Variants in LRMDA observed in about 807,000 individuals in gnomAD.
LRMDA encodes leucine-rich melanocyte differentiation-associated protein.
Under a neutral mutation model 29.8 loss-of-function variants are expected in LRMDA, and 18 were observed. The ratio of observed to expected loss-of-function variants is 0.60; its 90% CI spans 0.42 to 0.90. The LOEUF (loss-of-function observed/expected upper bound fraction) is 0.90, where lower values mean the gene tolerates loss of function less well. Ranked by LOEUF, LRMDA falls within the 40% of genes least tolerant of loss-of-function variation. LRMDA has a pLI of 0.00. For synonymous variants in LRMDA, 125 were observed against 109.4 expected (o/e 1.14, Z -0.89); for missense variants, 273 against 273.9 (o/e 1.00, Z 0.02).
intron 2 of LRMDA, among the ~76,000 whole-genome samples, chr10:75,912,679 A>G (rs1370215398): frequency 6.6e-6 from 1 of 152,162 alleles, no homozygotes; most frequent in East Asian, 1.9e-4. Context: ...CTACTTATTG[A>G]TGGTTTGAAT....
chr10:76,244,920 G>A (rs1299987561), intron 5 of LRMDA, among the ~76,000 whole-genome samples: 1 of 152,180 alleles, frequency 6.6e-6, no homozygotes, highest in Non-Finnish European at 1.5e-5. Flanking sequence ...AGCAGAGCTA[G>A]GGTCTGGCTT....
intron 5 of LRMDA, among the ~76,000 whole-genome samples, chr10:76,147,803 C>T (rs966318797): frequency 1.3e-5 from 2 of 152,020 alleles, no homozygotes; most frequent in Admixed American, 6.6e-5. Flanking sequence ...GTTTTTTTCC[C>T]ATCTTTGTGG....
chr10:75,811,776 A>T (rs565966578), intron 2 of LRMDA, among the ~76,000 whole-genome samples: 8 of 152,328 alleles, frequency 5.3e-5, no homozygotes, highest in African/African-American at 1.9e-4. Flanking sequence ...GGCCTGGAAC[A>T]CACGGCAAAT....
intron 2 of LRMDA, among the ~76,000 whole-genome samples, chr10:75,884,245 TTGTG>T (rs57507869): frequency 0.12 from 12,936 of 109,298 alleles, 662 homozygotes; most frequent in Middle Eastern, 0.3. Context: ...GCAGGCGACT[TTGTG>T]TGTGTGTGTG....
chr10:76,359,514 A>G (rs1329471478), intron 6 of LRMDA, among the ~76,000 whole-genome samples: 1 of 152,106 alleles, frequency 6.6e-6, no homozygotes, highest in Non-Finnish European at 1.5e-5. Flanking sequence ...CTCTCTCATA[A>G]CACCAGCGTG....
chr10:76,104,436 G>T (rs1849446525), intron 5 of LRMDA, among the ~76,000 whole-genome samples: 4 of 152,100 alleles, frequency 2.6e-5, no homozygotes, highest in Non-Finnish European at 5.9e-5. Flanking sequence ...ATTGCCACCT[G>T]CAACTTTGTG....
chr10:76,062,926 G>T (rs1848726309), intron 5 of LRMDA, among the ~76,000 whole-genome samples: 2 of 152,124 alleles, frequency 1.3e-5, no homozygotes, highest in Non-Finnish European at 2.9e-5. Context: ...GGGTGCAGAG[G>T]CCTGTCCAGG....
intron 5 of LRMDA, among the ~76,000 whole-genome samples, chr10:76,068,153 G>A (rs1378875522): frequency 6.6e-6 from 1 of 152,224 alleles, no homozygotes; most frequent in Non-Finnish European, 1.5e-5. Context: ...TTTCTACTCT[G>A]CAGTTCTGGC....
At chr10:75,846,322 G>A (rs971584098) in intron 2 of LRMDA, among the ~76,000 whole-genome samples, 5 of 151,952 alleles carry the variant, frequency 3.3e-5, no homozygotes, top group African/African-American at 1.2e-4. Flanking sequence ...AGAAGGACTT[G>A]TTAAGTAAAG....
chr10:76,514,669 C>G (rs1843041902), intron 6 of LRMDA, among the ~76,000 whole-genome samples: 1 of 152,116 alleles, frequency 6.6e-6, no homozygotes, highest in Non-Finnish European at 1.5e-5. Context: ...AGGGAGCACA[C>G]TGGCTTTCTT....
intron 2 of LRMDA, among the ~76,000 whole-genome samples, chr10:76,025,420 C>T (rs1401363094): frequency 6.6e-6 from 1 of 151,612 alleles, no homozygotes; most frequent in African/African-American, 2.4e-5. Flanking sequence ...TTCCTCTCAA[C>T]TTCCAGAGCT....
chr10:76,040,776 GGT>G (rs558422289), intron 3 of LRMDA, among the ~76,000 whole-genome samples: 164 of 152,298 alleles, frequency 1.1e-3, no homozygotes, highest in African/African-American at 3.9e-3. Flanking sequence ...TTCCTTTTGG[GGT>G]GTGTGGGGGG....
chr10:76,294,287 G>T (rs1002027589), intron 5 of LRMDA, among the ~76,000 whole-genome samples: 1 of 152,312 alleles, frequency 6.6e-6, no homozygotes, highest in East Asian at 1.9e-4. Flanking sequence ...AGCTGAGAGA[G>T]TTCACACTGG....
chr10:75,984,416 C>T (rs1275479458), intron 2 of LRMDA, among the ~76,000 whole-genome samples: 1 of 152,210 alleles, frequency 6.6e-6, no homozygotes, highest in Admixed American at 6.5e-5. Flanking sequence ...ACTTCTCTGC[C>T]CTGTGTCCTC....
chr10:75,918,000 C>T (rs1477712777), intron 2 of LRMDA, among the ~76,000 whole-genome samples: 1 of 152,028 alleles, frequency 6.6e-6, no homozygotes, highest in Non-Finnish European at 1.5e-5. Context: ...TGGCACTGGC[C>T]ATGCCCATTC....
chr10:75,460,327 A>G (rs915553098), intron 2 of LRMDA, among the ~76,000 whole-genome samples: 68 of 152,234 alleles, frequency 4.5e-4, no homozygotes, highest in African/African-American at 1.5e-3. Context: ...CTTTTGAATT[A>G]TGTTTTTTAA....
intron 6 of LRMDA, among the ~76,000 whole-genome samples, chr10:76,344,902 GA>G (rs202054799): frequency 0.016 from 2,113 of 130,654 alleles, 25 homozygotes; most frequent in African/African-American, 0.041. Flanking sequence ...AATTTTAAGT[GA>G]AAAAAAAAAA....
chr10:76,545,918 A>G (rs2132389904), intron 6 of LRMDA, among the ~76,000 whole-genome samples: 1 of 152,274 alleles, frequency 6.6e-6, no homozygotes, highest in East Asian at 1.9e-4. Flanking sequence ...CAGCATCGGC[A>G]TCACCTGGGA....
At chr10:75,821,690 ACCTGGGAGGCGGAGCTTGCAGTGAG>A (rs1313889832) in intron 2 of LRMDA, among the ~76,000 whole-genome samples, 1 of 152,078 alleles carries the variant, frequency 6.6e-6, no homozygotes, top group Admixed American at 6.5e-5. Flanking sequence ...AATGGTGGGA[ACCTGGGAGGCGGAGCTTGCAGTGAG>A]CCGAGATCAC....
Sources: gnomAD v4.1 joint callset for allele counts (sites outside exome capture counted in the v4.1 genomes callset) on GRCh38, gnomAD v4.1.1 for gene constraint, MANE v1.5 for transcripts, NCBI Gene and HGNC (gene_info 2026-07-23, HGNC 2026-07-21) for gene names.